Variants in PCDH15 observed in about 807,000 individuals in gnomAD.
PCDH15 encodes the protein protocadherin related 15, also known as protocadherin-15.
Under a neutral mutation model 178.5 loss-of-function variants are expected in PCDH15, and 129 were observed. That is an observed-to-expected ratio of 0.72 (90% CI 0.63 to 0.84). The LOEUF is 0.84. PCDH15 is among the 40% of genes least tolerant of loss of function. The pLI is 0.00. For missense variants in PCDH15, 2,230 were observed against 2,099.9 expected, an observed-to-expected ratio of 1.06 and a Z score of -1.21; for synonymous variants, 800 against 732.0, an observed-to-expected ratio of 1.09 and a Z score of -1.50.
chr10:55,520,021 G>A lies in PCDH15; in HGVS notation c.-156+107604C>T, dbSNP rs367958743. 6.3e-5 allele frequency among the ~76,000 whole-genome samples: 9 copies of A among 143,034 alleles called. No individual in the cohort carries two copies. In the East Asian group the frequency reaches 8.3e-4, roughly 13 times the overall value. The allele number at this position is 143,034 out of a possible 152,430, so 93.8% of individuals were successfully genotyped here. A position where few individuals can be genotyped will look rare whatever the true frequency, so the allele number is the denominator to read the frequency against. ...GAGGAAAGAATGACATGTTTATAAG[G>A]CATATATATATGCCATATATATACA... On this transcript the variant is annotated intron_variant, in intron 2 of 5. Coordinates refer to the PCDH15 transcript ENST00000613346.
At chr10:54,437,917 C>A (rs1045183814) in intron 3 of PCDH15, among the ~76,000 whole-genome samples, 5 of 152,100 alleles carry the variant, frequency 3.3e-5, no homozygotes, top group African/African-American at 1.2e-4. Context: ...TAAATATGCT[C>A]GTTGGAATCT....
At chr10:53,847,849 C>CT (rs1201659022) in intron 28 of PCDH15, among the ~76,000 whole-genome samples, 3 of 151,714 alleles carry the variant, frequency 2.0e-5, no homozygotes, top group Admixed American at 6.6e-5. Context: ...TGTATTTTAC[C>CT]TTTTTTTCTG....
intron 15 of PCDH15, among the ~76,000 whole-genome samples, chr10:54,128,759 T>C (rs978760156): frequency 1.3e-5 from 2 of 152,208 alleles, no homozygotes; most frequent in Non-Finnish European, 2.9e-5. Context: ...TTATTCAGGT[T>C]CTTATCTGTA....
chr10:54,593,155 T>A (rs2091986454), intron 2 of PCDH15, among the ~76,000 whole-genome samples: 1 of 152,214 alleles, frequency 6.6e-6, no homozygotes, highest in South Asian at 2.1e-4. Context: ...TCTTTTACTG[T>A]GCAGAAGCTT....
chr10:54,575,584 GT>G (rs1321269212), intron 2 of PCDH15, among the ~76,000 whole-genome samples: 1 of 151,946 alleles, frequency 6.6e-6, no homozygotes, highest in African/African-American at 2.4e-5. Flanking sequence ...AGATGCTTGT[GT>G]TTCTCTTAAT....
intron 18 of PCDH15, among the ~76,000 whole-genome samples, chr10:54,051,521 T>TA (rs2135630447): frequency 6.6e-6 from 1 of 152,274 alleles, no homozygotes; most frequent in Admixed American, 6.5e-5. Context: ...ATTTTGCCCC[T>TA]ACCCCAGATA....
At chr10:54,219,119 C>CA (rs2052458433) in intron 9 of PCDH15, among the ~76,000 whole-genome samples, 1 of 118,266 alleles carries the variant, frequency 8.5e-6, no homozygotes, top group Admixed American at 8.5e-5. Flanking sequence ...AAAAAAAAAA[C>CA]AAAAAATTAG....
intron 1 of PCDH15, among the ~76,000 whole-genome samples, chr10:55,210,957 T>C (rs1411774107): frequency 6.6e-6 from 1 of 151,972 alleles, no homozygotes; most frequent in Non-Finnish European, 1.5e-5. Flanking sequence ...ACTGTAAATA[T>C]AGAGTCCCTC....
chr10:54,014,250 G>A (rs1245186626), intron 20 of PCDH15, among the ~76,000 whole-genome samples: 1 of 151,960 alleles, frequency 6.6e-6, no homozygotes, highest in East Asian at 1.9e-4. Flanking sequence ...GACCAATAAT[G>A]AATTTTGAAA....
chr10:54,508,842 G>C lies in PCDH15; in HGVS notation c.157+18970C>G, dbSNP rs1399232383. Among the ~76,000 whole-genome samples, 3 of 152,028 alleles carry C rather than the reference G, an allele frequency of 2.0e-5. No individual in the cohort carries two copies. The East Asian group carries it at 5.8e-4, about 29-fold the overall frequency. On this transcript the variant is annotated intron_variant, in intron 3 of 37. Coordinates refer to ENST00000644397, the MANE Select transcript of PCDH15 (RefSeq NM_001384140.1). ...TTACCTGAAATGCTTGGGAAAAGAAGTGTTTCAGATTTCAGATTTTTTTGA... is the reference window on the plus strand; with the variant it reads ...TTACCTGAAATGCTTGGGAAAAGAACTGTTTCAGATTTCAGATTTTTTTGA...
intron 2 of PCDH15, among the ~76,000 whole-genome samples, chr10:55,442,030 G>T (rs1839199781): frequency 6.6e-6 from 1 of 152,102 alleles, no homozygotes; most frequent in African/African-American, 2.4e-5. Flanking sequence ...CAACTAAAGG[G>T]CATGTGGCTC....
At chr10:54,741,192 T>G (rs982484960) in intron 1 of PCDH15, among the ~76,000 whole-genome samples, 1 of 146,890 alleles carries the variant, frequency 6.8e-6, no homozygotes, top group Non-Finnish European at 1.5e-5. Context: ...TATTTATACA[T>G]TCTCTTTTTT....
intron 1 of PCDH15, among the ~76,000 whole-genome samples, chr10:54,746,788 C>G (rs1271049737): frequency 6.6e-6 from 1 of 151,598 alleles, no homozygotes; most frequent in East Asian, 1.9e-4. Context: ...AAAGGCTACA[C>G]AGCAAAATCA....
intron 1 of PCDH15, among the ~76,000 whole-genome samples, chr10:54,665,329 T>G (rs745523947): frequency 2.0e-5 from 3 of 152,006 alleles, no homozygotes; most frequent in Non-Finnish European, 2.9e-5. Context: ...AATCCAAATT[T>G]TCATGTGATT....
Position 54,762,117 on chromosome 10 carries a change from T to C in PCDH15, c.-29+38808A>G, listed in dbSNP as rs551162247. On this transcript the variant is annotated intron_variant, in intron 1 of 37. Transcript: ENST00000644397. ...TTAACCTTGAATCACATTTTACCTA[T>C]GTATGAGCTATAGCATAATGTCAGA... Among the ~76,000 whole-genome samples the C allele has an allele frequency of 2.6e-5, 4 of 152,270 alleles. No homozygotes were observed. The East Asian group carries it at 5.8e-4, about 22-fold the overall frequency.
intron 1 of PCDH15, among the ~76,000 whole-genome samples, chr10:54,713,724 TG>T (rs1487977352): frequency 5.9e-5 from 9 of 152,166 alleles, no homozygotes; most frequent in Non-Finnish European, 8.8e-5. Context: ...CCTGTAAGGT[TG>T]TATTACATTT....
intron 2 of PCDH15, among the ~76,000 whole-genome samples, chr10:55,407,271 C>G (rs1838221200): frequency 6.6e-6 from 1 of 152,072 alleles, no homozygotes; most frequent in Non-Finnish European, 1.5e-5. Flanking sequence ...TGGATGATCT[C>G]ACATCAGAAA....
rs532446143 is a variant in PCDH15 at position 54,728,282 on chromosome 10, C to T, written c.-28-63992G>A. 9.2e-5 allele frequency among the ~76,000 whole-genome samples: 14 copies of T among 151,400 alleles called. No individual in the cohort carries two copies. In the East Asian group the frequency reaches 2.7e-3, roughly 30 times the overall value. On this transcript the variant is annotated intron_variant, in intron 1 of 37. Coordinates refer to ENST00000644397, the MANE Select transcript of PCDH15 (RefSeq NM_001384140.1). ...GGATGCAAGGTTAGTTCCACATTTG[C>T]AACACAATAAAATGATTCAGCGATC...
chr10:55,516,959 A>G (rs184198177), intron 2 of PCDH15, among the ~76,000 whole-genome samples: 81 of 152,246 alleles, frequency 5.3e-4, no homozygotes, highest in African/African-American at 1.8e-3. Context: ...AAATGACACT[A>G]AAAAGTTAAT....
Sources: gnomAD v4.1 joint callset for allele counts (sites outside exome capture counted in the v4.1 genomes callset) on GRCh38, gnomAD v4.1.1 for gene constraint, MANE v1.5 for transcripts, NCBI Gene and HGNC (gene_info 2026-07-23, HGNC 2026-07-21) for gene names.